Variants in VSIG1 observed in about 807,000 individuals in gnomAD.
The protein encoded by VSIG1 is V-set and immunoglobulin domain-containing protein 1.
In VSIG1, 11 loss-of-function variants were observed where a neutral mutation model predicts 20.1. That is an observed-to-expected ratio of 0.55 (90% CI 0.34 to 0.91). VSIG1 has a LOEUF of 0.91. VSIG1 is among the 40% of genes least tolerant of loss of function. The pLI is 0.02. For missense variants in VSIG1, 283 were observed against 298.8 expected (o/e 0.95, Z 0.39); for synonymous variants, 126 against 116.7 (o/e 1.08, Z -0.52).
the VSIG1 span, among the ~76,000 whole-genome samples, chrX:108,028,494 T>A: frequency 7.2e-5 from 8 of 110,961 alleles, no homozygotes; most frequent in Non-Finnish European, 1.3e-4. Flanking sequence ...CCAGGGAAAT[T>A]GTAAGTCTTT....
intron 5 of VSIG1, 171 bp downstream of exon 5, chrX:108,073,540 CATA>C (rs763947180): frequency 1.8e-6 from 1 of 545,807 alleles, no homozygotes; most frequent in Non-Finnish European, 2.8e-6. Flanking sequence ...CTAATGCTCA[CATA>C]ATAATATATG....
At chrX:108,019,536 G>C in the VSIG1 span, among the ~76,000 whole-genome samples, 1 of 112,353 alleles carries the variant, frequency 8.9e-6, no homozygotes, top group South Asian at 3.7e-4. Flanking sequence ...GCAGAGAGTT[G>C]AGGGGCATGG....
chrX:108,073,411 A>G (rs752579970), intron 5 of VSIG1, 42 bp downstream of exon 5: 1 of 1,199,176 alleles, frequency 8.3e-7, no homozygotes, highest in East Asian at 3.0e-5. Context: ...CCTTAAATCA[A>G]GTAGTCTGGG....
rs377646684 is a variant in VSIG1 at position 108,073,495 on chromosome X, A to G, written c.688+126A>G. On this transcript the variant is annotated intron_variant, in intron 5 of 6. Coordinates refer to ENST00000217957, the MANE Select transcript of VSIG1 (RefSeq NM_182607.5). The stretch of plus-strand genomic sequence containing the variant: ...TTCTCTGGAGATTTGTGTGCTTTAT[A>G]TACAGGCTGATATGATGAATGACCA... 5.5e-4 allele frequency: 418 copies of G among 759,566 alleles called. No homozygotes were observed. In the African/African-American group the frequency reaches 7.3e-3, roughly 13 times the overall value. 62.6% of individuals were successfully genotyped at this position (759,566 alleles called of 1,213,427 possible).
rs1306460692 is a variant in VSIG1 at position 108,078,476 on chromosome X, G to A, written c.*1095G>A. 1 of 111,895 alleles carries A rather than the reference G, an allele frequency of 8.9e-6. No individual in the cohort carries two copies. The highest frequency in any genetic ancestry group is 3.3e-5 in the African/African-American group (1 of 30,744). The allele number at this position is 111,895 out of a possible 1,213,427, so 9.2% of individuals were successfully genotyped here. On this transcript the variant is annotated 3_prime_UTR_variant, in exon 7 of 7. Transcript: ENST00000217957. ...GTGGTAGTGCATGCCTGTAATCCCA[G>A]CTACTTGGGAGGCTGAGGCAGGAGA...
intron 1 of VSIG1, among the ~76,000 whole-genome samples, chrX:108,053,035 A>G (rs1275137419): frequency 8.9e-6 from 1 of 112,212 alleles, no homozygotes; most frequent in Admixed American, 9.5e-5. Flanking sequence ...GACAGAAAAT[A>G]GAATCCATAT....
intron 1 of VSIG1, 61 bp downstream of exon 1, chrX:108,045,240 A>T: frequency 9.1e-6 from 9 of 994,268 alleles, no homozygotes; most frequent in Non-Finnish European, 1.1e-5. Context: ...TTTTAAATAA[A>T]AATTCCACAT....
Position 108,045,186 on chromosome X carries a change from A to G in VSIG1, c.49+7A>G, listed in dbSNP as rs1196535634. 8.5e-7 allele frequency: 1 copy of G among 1,177,113 alleles called. No homozygotes were observed. The highest frequency in any genetic ancestry group is 1.1e-6 in the Non-Finnish European group (1 of 874,500). ...ATCCTAAGCTGCCTTGCAGGTAAGG[A>G]AAGGATCTCCAAACCACCAAATATA... On this transcript the variant is annotated splice_region_variant and intron_variant, in intron 1 of 6. Transcript: ENST00000217957.
upstream of VSIG1, among the ~76,000 whole-genome samples, chrX:108,044,286 G>T (rs896135540): frequency 1.8e-5 from 2 of 111,652 alleles, no homozygotes; most frequent in African/African-American, 3.3e-5. Flanking sequence ...AGAAGTTCAT[G>T]TTCCCATGAA....
chrX:108,038,316 G>T, the VSIG1 span, among the ~76,000 whole-genome samples: 1 of 110,751 alleles, frequency 9.0e-6, no homozygotes, highest in African/African-American at 3.3e-5. Context: ...TGTTCTCATT[G>T]TTCAACTCCC....
At chrX:108,073,146 A>G (rs2031283581) in intron 4 of VSIG1, 104 bp from the exon 5 acceptor site, 1 of 967,526 alleles carries the variant, frequency 1.0e-6, no homozygotes, top group Non-Finnish European at 1.4e-6. Context: ...CTCAAGAAAG[A>G]GAGGCCAATA....
chrX:108,068,403 G>T (rs2031175624), intron 3 of VSIG1, among the ~76,000 whole-genome samples: 1 of 111,920 alleles, frequency 8.9e-6, no homozygotes, highest in Non-Finnish European at 1.9e-5. Context: ...TTGCTGTAAA[G>T]AAATACCTGA....
chrX:108,034,556 T>C, the VSIG1 span, among the ~76,000 whole-genome samples: 1 of 111,904 alleles, frequency 8.9e-6, no homozygotes, highest in Admixed American at 9.5e-5. Flanking sequence ...TAGAAAGATC[T>C]TTACACAATG....
Position 108,077,799 on chromosome X carries a change from C to T in VSIG1, c.*418C>T, listed in dbSNP as rs41306277. ...CTCGGCTCACTGCAACCTCCGCTCC[C>T]TGGGTTCAAGCGATTCTCCTGCCTG... On this transcript the variant is annotated 3_prime_UTR_variant, in exon 7 of 7. Transcript: ENST00000217957. The T allele has an allele frequency of 0.042, 4,913 of 118,233 alleles. 107 individuals carry two copies. Among genetic ancestry groups the T allele is most frequent in the Non-Finnish European group, 0.064 (3,687 of 57,600 alleles). 9.7% of individuals were successfully genotyped at this position (118,233 alleles called of 1,213,427 possible).
rs766844104 is a variant in VSIG1 at position 108,066,941 on chromosome X, C to T, written c.219C>T (p.Tyr73=). The T allele has an allele frequency of 5.7e-5, 69 of 1,208,915 alleles. No individual in the cohort carries two copies. The highest frequency in any genetic ancestry group is 7.5e-5 in the Non-Finnish European group (67 of 894,388). The change falls in exon 3 of 7, where the codon TAC becomes TAT. Residue 73 remains tyrosine (Y), a synonymous_variant. Transcript: ENST00000217957. Reference sequence around the variant, plus strand: ...TCTGTTATTTTTCTGTCTAGATTTACTTTTCTCAAGGTGGACAAGCTGTAG... The same window carrying T: ...TCTGTTATTTTTCTGTCTAGATTTATTTTTCTCAAGGTGGACAAGCTGTAG... ...HKKEMEPISI[Y]FSQGGQAVAI... is the part of the protein sequence containing the mutation.
At chrX:108,021,777 A>G in the VSIG1 span, among the ~76,000 whole-genome samples, 1 of 112,208 alleles carries the variant, frequency 8.9e-6, no homozygotes, top group South Asian at 3.7e-4. Flanking sequence ...GCATGTGGGT[A>G]TTCATTTGTC....
chrX:108,027,022 A>G, the VSIG1 span, among the ~76,000 whole-genome samples: 4 of 112,017 alleles, frequency 3.6e-5, no homozygotes, highest in East Asian at 8.4e-4. Context: ...TAAAAAGCCC[A>G]GCAGTAACAA....
intron 3 of VSIG1, among the ~76,000 whole-genome samples, chrX:108,071,025 A>G (rs1477304964): frequency 9.0e-6 from 1 of 111,452 alleles, no homozygotes; most frequent in Non-Finnish European, 1.9e-5. Flanking sequence ...TAATACTTGG[A>G]TCAGCCAGAG....
upstream of VSIG1, among the ~76,000 whole-genome samples, chrX:108,041,544 A>G (rs755146767): frequency 1.1e-5 from 1 of 90,234 alleles, no homozygotes; most frequent in East Asian, 3.0e-4. Context: ...TTTATGTTTT[A>G]AAAAACCTCG....
Sources: allele counts gnomAD v4.1 joint callset (sites outside exome capture counted in the v4.1 genomes callset), GRCh38; gene constraint gnomAD v4.1.1; transcripts MANE v1.5; gene names NCBI Gene and HGNC (gene_info 2026-07-23, HGNC 2026-07-21).